GULP1: variants seen among roughly 807,000 people sequenced by gnomAD.
GULP1 encodes the protein PTB domain-containing engulfment adapter protein 1.
GULP1 carries 19 observed loss-of-function variants against 40.9 expected under a neutral mutation model. The observed-to-expected ratio is 0.46, with a 90% CI of 0.32 to 0.68. GULP1 has a LOEUF of 0.68. GULP1 is among the 30% of genes least tolerant of loss of function. The pLI, the probability that GULP1 is intolerant of heterozygous loss-of-function variation, is 0.03. For missense variants in GULP1, 312 were observed against 362.2 expected, an observed-to-expected ratio of 0.86 and a Z score of 1.12; for synonymous variants, 119 against 117.6, an observed-to-expected ratio of 1.01 and a Z score of -0.08.
intron 4 of GULP1, among the ~76,000 whole-genome samples, chr2:188,518,886 G>T (rs908693297): frequency 1.1e-4 from 16 of 152,108 alleles, no homozygotes; most frequent in African/African-American, 3.6e-4. Context: ...AAAAGAGTCA[G>T]ACAAGGCAGA....
At chr2:188,589,778 T>A (rs1048140599) in intron 11 of GULP1, 5 of 1,241,114 alleles carry the variant, frequency 4.0e-6, no homozygotes, top group Admixed American at 6.2e-5. Context: ...ATAATAATTT[T>A]AAACAACTTA....
chr2:188,382,585 T>C (rs1196612015), intron 1 of GULP1, among the ~76,000 whole-genome samples: 1 of 152,168 alleles, frequency 6.6e-6, no homozygotes, highest in Admixed American at 6.5e-5. Flanking sequence ...AAAGTCATGT[T>C]AGAATATGAA....
chr2:188,540,454 G>A (rs1466662536), intron 6 of GULP1, among the ~76,000 whole-genome samples: 1 of 150,396 alleles, frequency 6.6e-6, no homozygotes, highest in Non-Finnish European at 1.5e-5. Flanking sequence ...GTGTGTGTGT[G>A]CGTGTGTAAA....
chr2:188,386,613 T>C (rs1252509701), intron 2 of GULP1, among the ~76,000 whole-genome samples: 1 of 152,188 alleles, frequency 6.6e-6, no homozygotes, highest in Non-Finnish European at 1.5e-5. Flanking sequence ...GATAAATTGA[T>C]ATGTACATCA....
At chr2:188,520,396 C>T (rs1343456027) in intron 4 of GULP1, among the ~76,000 whole-genome samples, 10 of 151,764 alleles carry the variant, frequency 6.6e-5, no homozygotes, top group South Asian at 4.2e-4. Context: ...ATTACATGGG[C>T]GTGGTGGCGC....
At chr2:188,294,326 ACTT>A (rs1203917330) in intron 1 of GULP1, 3 of 152,216 alleles carry the variant, frequency 2.0e-5, no homozygotes, top group Non-Finnish European at 4.4e-5. Context: ...ATCCGGCATG[ACTT>A]CTTTGTGCTT....
intron 4 of GULP1, among the ~76,000 whole-genome samples, chr2:188,487,817 G>A (rs368737752): frequency 6.6e-6 from 1 of 151,964 alleles, no homozygotes; most frequent in East Asian, 1.9e-4. Context: ...CACGTGCACT[G>A]TTTGCCACTT....
At chr2:188,307,183 A>G (rs1157625417) in intron 1 of GULP1, among the ~76,000 whole-genome samples, 1 of 152,212 alleles carries the variant, frequency 6.6e-6, no homozygotes, top group Non-Finnish European at 1.5e-5. Context: ...ATTTTACAGT[A>G]TAATTATATG....
intron 1 of GULP1, among the ~76,000 whole-genome samples, chr2:188,357,554 C>T (rs2045510654): frequency 6.6e-6 from 1 of 151,970 alleles, no homozygotes; most frequent in Non-Finnish European, 1.5e-5. Flanking sequence ...ATAACAAATA[C>T]TAGTGAGGAT....
intron 9 of GULP1, among the ~76,000 whole-genome samples, chr2:188,575,761 T>C (rs1700054877): frequency 1.3e-5 from 2 of 152,196 alleles, no homozygotes. Context: ...TGGTATTTTT[T>C]TTTAATGCAA....
At chr2:188,414,927 G>A (rs774917115) in intron 2 of GULP1, among the ~76,000 whole-genome samples, 1 of 151,962 alleles carries the variant, frequency 6.6e-6, no homozygotes, top group Non-Finnish European at 1.5e-5. Flanking sequence ...GTGTCTGAGG[G>A]CCCCTTTCAA....
At chr2:188,299,556 A>G (rs528960357) in intron 1 of GULP1, among the ~76,000 whole-genome samples, 61 of 152,196 alleles carry the variant, frequency 4.0e-4, no homozygotes, top group Non-Finnish European at 6.5e-4. Flanking sequence ...TAAACTGTGC[A>G]TCTGCAAATA....
intron 1 of GULP1, among the ~76,000 whole-genome samples, chr2:188,376,784 A>T (rs557142051): frequency 2.0e-5 from 3 of 152,238 alleles, no homozygotes; most frequent in Admixed American, 6.5e-5. Flanking sequence ...CTATGTTGAC[A>T]TATCTTTCCA....
chr2:188,331,658 G>A (rs1026077021), intron 1 of GULP1, among the ~76,000 whole-genome samples: 6 of 152,092 alleles, frequency 3.9e-5, no homozygotes, highest in Non-Finnish European at 8.8e-5. Context: ...TTTGTATAAT[G>A]TGATTCCATT....
intron 2 of GULP1, among the ~76,000 whole-genome samples, chr2:188,392,148 T>C (rs1158589870): frequency 6.6e-6 from 1 of 152,108 alleles, no homozygotes. Flanking sequence ...GAGGATTACC[T>C]CTTTCTCAAT....
chr2:188,349,048 G>A (rs571506525), intron 1 of GULP1, among the ~76,000 whole-genome samples: 9 of 152,076 alleles, frequency 5.9e-5, no homozygotes, highest in Non-Finnish European at 7.4e-5. Context: ...AGATTAACCC[G>A]GAATGCATTC....
At chr2:188,573,650 T>G (rs1699577601) in intron 9 of GULP1, among the ~76,000 whole-genome samples, 1 of 152,160 alleles carries the variant, frequency 6.6e-6, no homozygotes, top group African/African-American at 2.4e-5. Flanking sequence ...GGGTTTTATG[T>G]GTTTGTTTTG....
At chr2:188,449,297 C>T (rs745705493) in intron 2 of GULP1, among the ~76,000 whole-genome samples, 7 of 152,052 alleles carry the variant, frequency 4.6e-5, no homozygotes, top group Admixed American at 1.3e-4. Flanking sequence ...TAAAGCTAAC[C>T]TCAGGCGTAG....
intron 2 of GULP1, among the ~76,000 whole-genome samples, chr2:188,417,471 T>C (rs2054733584): frequency 6.6e-6 from 1 of 152,228 alleles, no homozygotes; most frequent in Non-Finnish European, 1.5e-5. Context: ...AACTATGTAC[T>C]ATAAGTTATT....
Sources: allele counts gnomAD v4.1 joint callset (sites outside exome capture counted in the v4.1 genomes callset), GRCh38; gene constraint gnomAD v4.1.1; transcripts MANE v1.5; gene names NCBI Gene and HGNC (gene_info 2026-07-23, HGNC 2026-07-21).